TMTC2: variants seen among roughly 807,000 people sequenced by gnomAD.
TMTC2 encodes the protein transmembrane O-mannosyltransferase targeting cadherins 2, also known as protein O-mannosyl-transferase TMTC2.
In TMTC2, 43 loss-of-function variants were observed where a neutral mutation model predicts 82.4. The ratio of observed to expected loss-of-function variants is 0.52; its 90% CI spans 0.41 to 0.67. TMTC2 has a LOEUF of 0.67. Among genes scored for constraint, TMTC2 ranks in the 30% least tolerant of loss-of-function variants. TMTC2 has a pLI of 0.00. For missense variants in TMTC2, 919 were observed against 1,012.4 expected (o/e 0.91, Z 1.25); for synonymous variants, 408 against 381.9 (o/e 1.07, Z -0.80).
At chr12:82,983,106 A>C (rs1048582922) in intron 7 of TMTC2, among the ~76,000 whole-genome samples, 2 of 152,044 alleles carry the variant, frequency 1.3e-5, no homozygotes, top group African/African-American at 4.8e-5. Context: ...ACATGCCCAA[A>C]TGTGTGGAGT....
At chr12:82,844,187 T>A (rs756203300) in intron 1 of TMTC2, among the ~76,000 whole-genome samples, 10 of 152,292 alleles carry the variant, frequency 6.6e-5, no homozygotes, top group Non-Finnish European at 8.8e-5. Flanking sequence ...AGCCAGAGGG[T>A]ACTTTTCCTA....
In TMTC2 at chr12:83,034,715, C is replaced by T. The variant is rs146825572; in HGVS notation, c.2152+3836C>T. 2.2e-3 allele frequency among the ~76,000 whole-genome samples: 329 copies of T among 152,202 alleles called. 2 individuals carry two copies. The highest frequency in any genetic ancestry group is 7.4e-3 in the African/African-American group (308 of 41,526). The stretch of plus-strand genomic sequence containing the variant: ...ATAAGAGTAGGGATGGTGTGTTTTC[C>T]ATTTTTGTATCATCAATATATCTAC... On this transcript the variant is annotated intron_variant, in intron 9 of 11. Coordinates refer to ENST00000321196, the MANE Select transcript of TMTC2 (RefSeq NM_152588.3).
At chr12:82,916,147 T>C (rs910629996) in intron 3 of TMTC2, among the ~76,000 whole-genome samples, 10 of 152,236 alleles carry the variant, frequency 6.6e-5, no homozygotes, top group Non-Finnish European at 1.2e-4. Context: ...ACTGAATTGG[T>C]ATAGTTGTTA....
At chr12:83,033,330 A>T (rs550736089) in intron 9 of TMTC2, among the ~76,000 whole-genome samples, 6 of 152,230 alleles carry the variant, frequency 3.9e-5, no homozygotes, top group Non-Finnish European at 7.3e-5. Context: ...AGTTCTGTTA[A>T]AATTATGTAA....
At chr12:82,976,332 A>T (rs1237086827) in intron 7 of TMTC2, among the ~76,000 whole-genome samples, 2 of 152,118 alleles carry the variant, frequency 1.3e-5, no homozygotes, top group Non-Finnish European at 2.9e-5. Flanking sequence ...ATGACCTTAT[A>T]TTAGAAATTA....
chr12:82,804,405 A>G (rs1879148497), intron 1 of TMTC2, among the ~76,000 whole-genome samples: 2 of 152,068 alleles, frequency 1.3e-5, no homozygotes, highest in South Asian at 4.1e-4. Context: ...ATCATGGTGT[A>G]TTATTTCTGT....
rs189659534 is a variant in TMTC2 at position 82,909,285 on chromosome 12, T to A, written c.1483+12639T>A. ...TTTGACAGATCTAGTGTATGCAAGG[T>A]GAATACCATCTTCACAGCTAGTTTA... On this transcript the variant is annotated intron_variant, in intron 3 of 11. Transcript: ENST00000321196. Among the ~76,000 whole-genome samples, 3 of 152,256 alleles carry A rather than the reference T, an allele frequency of 2.0e-5. No individual in the cohort carries two copies. The East Asian group carries it at 5.8e-4, about 29-fold the overall frequency.
At chr12:82,929,549 C>A (rs866758592) in intron 3 of TMTC2, among the ~76,000 whole-genome samples, 1 of 152,056 alleles carries the variant, frequency 6.6e-6, no homozygotes, top group Non-Finnish European at 1.5e-5. Flanking sequence ...ACTCAAAACC[C>A]TTTCATTTTT....
intron 11 of TMTC2, among the ~76,000 whole-genome samples, chr12:83,113,547 T>C (rs1448500530): frequency 6.6e-6 from 1 of 152,208 alleles, no homozygotes. Flanking sequence ...TGATTTGCCA[T>C]GGGCTTAGAG....
intron 8 of TMTC2, among the ~76,000 whole-genome samples, chr12:82,991,043 G>A (rs554390834): frequency 2.0e-5 from 3 of 152,234 alleles, no homozygotes; most frequent in South Asian, 2.1e-4. Flanking sequence ...CTTGACATGT[G>A]ATATTTAATA....
intron 1 of TMTC2, among the ~76,000 whole-genome samples, chr12:82,834,811 G>A (rs1011257844): frequency 1.3e-5 from 2 of 152,060 alleles, no homozygotes; most frequent in African/African-American, 4.8e-5. Flanking sequence ...CTATGAGATG[G>A]TGAACTTGAG....
intron 1 of TMTC2, among the ~76,000 whole-genome samples, chr12:82,791,366 C>G (rs929327871): frequency 1.3e-5 from 2 of 151,950 alleles, no homozygotes; most frequent in Non-Finnish European, 2.9e-5. Context: ...AGTCCTAAAT[C>G]AAATGTTATA....
At chr12:82,813,153 A>G (rs1385083388) in intron 1 of TMTC2, among the ~76,000 whole-genome samples, 4 of 152,062 alleles carry the variant, frequency 2.6e-5, no homozygotes, top group Admixed American at 6.6e-5. Flanking sequence ...ACTTATGCCA[A>G]TATGTATAGT....
At chr12:82,876,163 G>GATGATGATGGTGAT (rs1872563855) in intron 2 of TMTC2, among the ~76,000 whole-genome samples, 5 of 140,118 alleles carry the variant, frequency 3.6e-5, no homozygotes, top group African/African-American at 1.5e-4. Flanking sequence ...GGTAGTGGTG[G>GATGATGATGGTGAT]TAGTGTTGTT....
At chr12:82,811,790 T>C (rs923944256) in intron 1 of TMTC2, among the ~76,000 whole-genome samples, 73 of 151,206 alleles carry the variant, frequency 4.8e-4, no homozygotes, top group African/African-American at 1.7e-3. Context: ...TGAAGTTTTC[T>C]TTTCCATGCT....
chr12:82,978,080 T>C (rs1878760182), intron 7 of TMTC2, among the ~76,000 whole-genome samples: 1 of 151,836 alleles, frequency 6.6e-6, no homozygotes, highest in African/African-American at 2.4e-5. Flanking sequence ...TATAAAATTA[T>C]GATCTTTCAG....
chr12:83,107,984 T>C (rs1884474912), intron 11 of TMTC2, among the ~76,000 whole-genome samples: 1 of 152,120 alleles, frequency 6.6e-6, no homozygotes, highest in Non-Finnish European at 1.5e-5. Flanking sequence ...AATATGGTTG[T>C]TTAAAAGTGT....
rs79730197 is a variant in TMTC2 at position 82,695,586 on chromosome 12, C to G, written c.83+7917C>G. 2.1e-3 allele frequency among the ~76,000 whole-genome samples: 316 copies of G among 152,268 alleles called. 1 individual carries two copies. The East Asian group carries it at 0.032, about 15-fold the overall frequency. ...GTTCCACAATGAAAGCATGTCTGCTCAGTTTTCTTTTCTGTTAGTTGTGTC... is the reference window on the plus strand; with the variant it reads ...GTTCCACAATGAAAGCATGTCTGCTGAGTTTTCTTTTCTGTTAGTTGTGTC... On this transcript the variant is annotated intron_variant, in intron 1 of 11. Coordinates refer to ENST00000321196, the MANE Select transcript of TMTC2 (RefSeq NM_152588.3).
intron 8 of TMTC2, among the ~76,000 whole-genome samples, chr12:83,028,161 A>AT (rs1407254172): frequency 6.6e-6 from 1 of 152,086 alleles, no homozygotes; most frequent in Non-Finnish European, 1.5e-5. Context: ...TTATAACTGC[A>AT]TTTTTTGCAC....
Sources: gnomAD v4.1 joint callset for allele counts (sites outside exome capture counted in the v4.1 genomes callset) on GRCh38, gnomAD v4.1.1 for gene constraint, MANE v1.5 for transcripts, NCBI Gene and HGNC (gene_info 2026-07-23, HGNC 2026-07-21) for gene names.